The following DGKB variants were observed in gnomAD, a reference collection of about 807,000 sequenced individuals.
DGKB encodes the protein diacylglycerol kinase beta, also known as 90 kDa diacylglycerol kinase.
In DGKB, 67 loss-of-function variants were observed where a neutral mutation model predicts 114.3. The ratio of observed to expected loss-of-function variants is 0.59; its 90% CI spans 0.48 to 0.72. DGKB has a LOEUF of 0.72. Ranked by LOEUF, DGKB falls within the 30% of genes least tolerant of loss-of-function variation. The pLI is 0.00. For synonymous variants in DGKB, 398 were observed against 323.1 expected, an observed-to-expected ratio of 1.23 and a Z score of -2.49; for missense variants, 907 against 975.2, an observed-to-expected ratio of 0.93 and a Z score of 0.93.
At chr7:14,693,177 A>T (rs1823188499) in intron 9 of DGKB, among the ~76,000 whole-genome samples, 1 of 152,126 alleles carries the variant, frequency 6.6e-6, no homozygotes. Context: ...TTACACCTTA[A>T]AACTCTAAAT....
chr7:14,194,379 A>G (rs2128279083), intron 23 of DGKB, among the ~76,000 whole-genome samples: 1 of 152,312 alleles, frequency 6.6e-6, no homozygotes, highest in African/African-American at 2.4e-5. Context: ...AAAGAATAAA[A>G]TCCTGTCATT....
intron 21 of DGKB, among the ~76,000 whole-genome samples, chr7:14,459,929 A>AG (rs1432687647): frequency 1.3e-5 from 2 of 152,064 alleles, no homozygotes; most frequent in Non-Finnish European, 2.9e-5. Flanking sequence ...CAGAAGAGAG[A>AG]GGGGGGCCAA....
intron 20 of DGKB, among the ~76,000 whole-genome samples, chr7:14,533,164 C>T (rs1791874195): frequency 6.6e-6 from 1 of 151,712 alleles, no homozygotes; most frequent in Non-Finnish European, 1.5e-5. Flanking sequence ...AGCAAATAAA[C>T]ATAAACCATA....
At chr7:14,370,440 G>GT (rs772890422) in intron 21 of DGKB, among the ~76,000 whole-genome samples, 6 of 151,988 alleles carry the variant, frequency 3.9e-5, no homozygotes, top group East Asian at 1.9e-4. Flanking sequence ...AATTTAAAGT[G>GT]TTTTTTTCTA....
At chr7:14,493,947 C>CAG (rs1238958452) in intron 20 of DGKB, among the ~76,000 whole-genome samples, 3 of 151,286 alleles carry the variant, frequency 2.0e-5, no homozygotes, top group African/African-American at 7.3e-5. Flanking sequence ...CACACACACA[C>CAG]ACACACACAC....
chr7:14,392,995 G>GTTTTT (rs1554404748), intron 21 of DGKB, among the ~76,000 whole-genome samples: 6 of 60,530 alleles, frequency 9.9e-5, no homozygotes, highest in African/African-American at 2.4e-4. Context: ...TTTTGTTTTT[G>GTTTTT]TTTTTTTTTT....
chr7:14,424,594 T>A lies in DGKB; in HGVS notation c.1835+53567A>T, dbSNP rs547761890. 3.3e-5 allele frequency among the ~76,000 whole-genome samples: 5 copies of A among 152,222 alleles called. No homozygotes were observed. In the East Asian group the frequency reaches 7.7e-4, roughly 24 times the overall value. ...TAATCTTCAAGACACTACTGAGAGG[T>A]AGGTTTTATTATTTCTCTTAAATAA... On this transcript the variant is annotated intron_variant, in intron 21 of 25. Coordinates refer to ENST00000402815, the MANE Select transcript of DGKB (RefSeq NM_001350709.2).
chr7:14,467,859 C>G (rs1395262048), intron 21 of DGKB, among the ~76,000 whole-genome samples: 2 of 152,080 alleles, frequency 1.3e-5, no homozygotes, highest in Non-Finnish European at 2.9e-5. Context: ...CAGGGGATTA[C>G]TTTCTAGGTA....
chr7:14,224,403 CTTCTT>C (rs1297344877), intron 23 of DGKB, among the ~76,000 whole-genome samples: 4 of 151,900 alleles, frequency 2.6e-5, no homozygotes, highest in East Asian at 1.9e-4. Flanking sequence ...TTATCATTCT[CTTCTT>C]TACTTTAATC....
At chr7:14,678,134 T>C (rs1201992562) in intron 12 of DGKB, among the ~76,000 whole-genome samples, 1 of 152,202 alleles carries the variant, frequency 6.6e-6, no homozygotes, top group Middle Eastern at 3.4e-3. Context: ...AAGAATAGCA[T>C]ATCAGAGATT....
chr7:14,792,478 A>T (rs1381781411), intron 2 of DGKB, among the ~76,000 whole-genome samples: 1 of 152,152 alleles, frequency 6.6e-6, no homozygotes, highest in African/African-American at 2.4e-5. Flanking sequence ...AGTGATAGGC[A>T]GAAGTAAGAA....
At chr7:14,427,491 T>A (rs1827757249) in intron 21 of DGKB, among the ~76,000 whole-genome samples, 1 of 152,140 alleles carries the variant, frequency 6.6e-6, no homozygotes, top group Non-Finnish European at 1.5e-5. Context: ...CATTTTTGGG[T>A]ATCTTTTCAG....
intron 2 of DGKB, among the ~76,000 whole-genome samples, chr7:14,765,911 C>A (rs920627964): frequency 1.3e-5 from 2 of 151,850 alleles, no homozygotes; most frequent in African/African-American, 2.4e-5. Flanking sequence ...TAGTGTTTGC[C>A]AATTGCTGTC....
intron 20 of DGKB, among the ~76,000 whole-genome samples, chr7:14,528,241 A>G (rs1790964385): frequency 6.6e-6 from 1 of 152,094 alleles, no homozygotes; most frequent in South Asian, 2.1e-4. Context: ...TCTCACCTTT[A>G]TAAAATAGCC....
At chr7:14,871,829 G>A (rs1334311507) in intron 1 of DGKB, among the ~76,000 whole-genome samples, 3 of 152,140 alleles carry the variant, frequency 2.0e-5, no homozygotes, top group Non-Finnish European at 4.4e-5. Context: ...ATGGCATCAT[G>A]CAGACATTAG....
At chr7:14,969,380 CCT>C (rs1310855599) in intron 1 of DGKB, among the ~76,000 whole-genome samples, 2 of 152,088 alleles carry the variant, frequency 1.3e-5, no homozygotes, top group African/African-American at 4.8e-5. Flanking sequence ...TAGGTGATTT[CCT>C]CTTTGTGTAA....
At chr7:14,461,673 G>A (rs964390441) in intron 21 of DGKB, among the ~76,000 whole-genome samples, 2 of 152,024 alleles carry the variant, frequency 1.3e-5, no homozygotes, top group African/African-American at 4.8e-5. Flanking sequence ...TTCTACCAGA[G>A]GTATGAAGAG....
At chr7:14,708,627 A>G (rs1212855631) in intron 6 of DGKB, among the ~76,000 whole-genome samples, 2 of 151,652 alleles carry the variant, frequency 1.3e-5, no homozygotes, top group Non-Finnish European at 2.9e-5. Flanking sequence ...ATATAAATCA[A>G]TGGAACAGAA....
intron 21 of DGKB, among the ~76,000 whole-genome samples, chr7:14,474,754 C>T (rs1781919923): frequency 6.6e-6 from 1 of 151,286 alleles, no homozygotes; most frequent in Non-Finnish European, 1.5e-5. Flanking sequence ...TACTAATTGA[C>T]AATTTATATA....
Sources: allele counts gnomAD v4.1 joint callset (sites outside exome capture counted in the v4.1 genomes callset), GRCh38; gene constraint gnomAD v4.1.1; transcripts MANE v1.5; gene names NCBI Gene and HGNC (gene_info 2026-07-23, HGNC 2026-07-21).